MARCHF3: variants seen among roughly 807,000 people sequenced by gnomAD.
MARCHF3 encodes membrane associated ring-CH-type finger 3.
A neutral mutation model predicts 24.2 loss-of-function variants in MARCHF3; 13 were observed. The observed-to-expected ratio is 0.54, with a 90% CI of 0.35 to 0.85. MARCHF3 has a LOEUF of 0.85. Among genes scored for constraint, MARCHF3 ranks in the 40% least tolerant of loss-of-function variants. The pLI, the probability that MARCHF3 is intolerant of heterozygous loss-of-function variation, is 0.01. For missense variants in MARCHF3, 276 were observed against 325.0 expected, an observed-to-expected ratio of 0.85 and a Z score of 1.16; for synonymous variants, 144 against 137.3, an observed-to-expected ratio of 1.05 and a Z score of -0.34.
At chr5:126,964,026 A>G (rs1036294129) in intron 1 of MARCHF3, among the ~76,000 whole-genome samples, 14 of 152,210 alleles carry the variant, frequency 9.2e-5, no homozygotes, top group Non-Finnish European at 2.9e-5. Flanking sequence ...ATGTGGTCAG[A>G]GGTGACAGCC....
At chr5:126,969,094 A>G (rs1255255926) in intron 1 of MARCHF3, among the ~76,000 whole-genome samples, 2 of 152,172 alleles carry the variant, frequency 1.3e-5, no homozygotes, top group African/African-American at 2.4e-5. Flanking sequence ...GAAGATTTAC[A>G]TGTGTTTTCT....
intron 3 of MARCHF3, among the ~76,000 whole-genome samples, chr5:126,913,200 A>T (rs1645425950): frequency 1.3e-5 from 2 of 152,200 alleles, no homozygotes; most frequent in Admixed American, 6.5e-5. Context: ...ATGCACACAC[A>T]CCCTCCTTTG....
Position 126,869,582 on chromosome 5 carries a change from C to CTTTTTTTT in MARCHF3, c.*1043_*1050dup, listed in dbSNP as rs10653981. On this transcript the variant is annotated 3_prime_UTR_variant, in exon 5 of 5. Coordinates refer to ENST00000308660, the MANE Select transcript of MARCHF3 (RefSeq NM_178450.5). The stretch of plus-strand genomic sequence containing the variant: ...ATAAGTGCAGGGCTGCTAGGACAGG[C>CTTTTTTTT]TTTTTTTTTTTTTTTTTTTTTTGCC... The CTTTTTTTT allele has an allele frequency of 1.8e-3, 147 of 79,824 alleles. 29 individuals are homozygous for CTTTTTTTT. The highest frequency in any genetic ancestry group is 7.1e-3 in the African/African-American group (134 of 18,750). 4.9% of individuals were successfully genotyped at this position (79,824 alleles called of 1,614,324 possible).
chr5:126,906,826 G>C (rs547901279), intron 3 of MARCHF3, among the ~76,000 whole-genome samples: 1 of 152,022 alleles, frequency 6.6e-6, no homozygotes, highest in Non-Finnish European at 1.5e-5. Flanking sequence ...CTTCAGTTCT[G>C]CTCTGATTTT....
chr5:126,994,287 A>G (rs551253702), intron 1 of MARCHF3, among the ~76,000 whole-genome samples: 1 of 152,298 alleles, frequency 6.6e-6, no homozygotes, highest in East Asian at 1.9e-4. Flanking sequence ...TTTATATGAC[A>G]TCTTGGAAAA....
chr5:126,933,752 G>T (rs1285892784), intron 1 of MARCHF3, among the ~76,000 whole-genome samples: 2 of 152,066 alleles, frequency 1.3e-5, no homozygotes, highest in East Asian at 1.9e-4. Context: ...CCTCTCTTTG[G>T]TATCTTTTTA....
intron 1 of MARCHF3, among the ~76,000 whole-genome samples, chr5:126,927,665 C>T (rs1003287581): frequency 2.6e-5 from 4 of 152,178 alleles, no homozygotes; most frequent in Non-Finnish European, 5.9e-5. Flanking sequence ...TCTCCACAAT[C>T]CTCCTGGGAA....
At chr5:126,908,513 C>T (rs1372731558) in intron 3 of MARCHF3, among the ~76,000 whole-genome samples, 1 of 152,060 alleles carries the variant, frequency 6.6e-6, no homozygotes, top group Non-Finnish European at 1.5e-5. Flanking sequence ...GGAGGCTTTG[C>T]TCGTTTCTTT....
chr5:126,916,342 C>T (rs77019494), intron 2 of MARCHF3, among the ~76,000 whole-genome samples: 2,006 of 152,274 alleles, frequency 0.013, 51 homozygotes, highest in African/African-American at 0.046. Context: ...CTCTGTATGC[C>T]TCCCAAAGAT....
At chr5:126,914,379 ATTCTT>A (rs1171973373) in intron 3 of MARCHF3, among the ~76,000 whole-genome samples, 3 of 152,120 alleles carry the variant, frequency 2.0e-5, no homozygotes, top group Non-Finnish European at 4.4e-5. Flanking sequence ...TGTGCCCTGT[ATTCTT>A]TTAAGTGTTT....
chr5:127,022,818 C>T (rs768916333), intron 1 of MARCHF3, among the ~76,000 whole-genome samples: 3 of 152,184 alleles, frequency 2.0e-5, no homozygotes, highest in Non-Finnish European at 4.4e-5. Flanking sequence ...CTTAACCATT[C>T]AATTCTCTAT....
At chr5:127,010,991 C>G (rs1181234562) in intron 1 of MARCHF3, among the ~76,000 whole-genome samples, 1 of 152,108 alleles carries the variant, frequency 6.6e-6, no homozygotes, top group Non-Finnish European at 1.5e-5. Context: ...CTGAACTGTA[C>G]ATTTAAAAAT....
At chr5:127,018,158 G>A (rs572986494) in intron 1 of MARCHF3, among the ~76,000 whole-genome samples, 1 of 152,276 alleles carries the variant, frequency 6.6e-6, no homozygotes, top group South Asian at 2.1e-4. Context: ...ATCACCTGAG[G>A]TCAGGAGTAT....
At chr5:127,008,118 T>A (rs1752365574) in intron 1 of MARCHF3, among the ~76,000 whole-genome samples, 1 of 151,938 alleles carries the variant, frequency 6.6e-6, no homozygotes, top group Admixed American at 6.6e-5. Context: ...TCTTTGGGTA[T>A]AAAAAAAATG....
intron 1 of MARCHF3, among the ~76,000 whole-genome samples, chr5:126,921,455 A>G (rs1354068023): frequency 1.3e-5 from 2 of 152,190 alleles, no homozygotes; most frequent in Middle Eastern, 3.4e-3. Flanking sequence ...ACCAACTGGC[A>G]TGCATATGTT....
intron 1 of MARCHF3, among the ~76,000 whole-genome samples, chr5:126,952,214 A>T (rs1032920021): frequency 3.9e-5 from 6 of 152,138 alleles, no homozygotes; most frequent in Non-Finnish European, 5.9e-5. Flanking sequence ...AGGATACACA[A>T]GTTACAAAAC....
intron 4 of MARCHF3, among the ~76,000 whole-genome samples, chr5:126,875,267 G>A (rs1362039079): frequency 1.3e-5 from 2 of 152,172 alleles, no homozygotes; most frequent in African/African-American, 2.4e-5. Flanking sequence ...GTGTGCTTCT[G>A]GAACACAGCA....
At chr5:126,962,226 CTA>C (rs1350536870) in intron 1 of MARCHF3, among the ~76,000 whole-genome samples, 7 of 151,626 alleles carry the variant, frequency 4.6e-5, no homozygotes, top group African/African-American at 1.7e-4. Flanking sequence ...ATATCTATAT[CTA>C]TATATCTCTC....
At chr5:126,901,909 T>C (rs1255274402) in intron 3 of MARCHF3, among the ~76,000 whole-genome samples, 1 of 152,208 alleles carries the variant, frequency 6.6e-6, no homozygotes, top group Middle Eastern at 3.4e-3. Context: ...GACTCCCCCT[T>C]ACAAAGCTTT....
Sources: gnomAD v4.1 joint callset for allele counts (sites outside exome capture counted in the v4.1 genomes callset) on GRCh38, gnomAD v4.1.1 for gene constraint, MANE v1.5 for transcripts, NCBI Gene and HGNC (gene_info 2026-07-23, HGNC 2026-07-21) for gene names.